The following CEP295 variants were observed in gnomAD, a reference collection of about 807,000 sequenced individuals.
The protein encoded by CEP295 is centrosomal protein of 295 kDa.
In CEP295, 190 loss-of-function variants were observed where a neutral mutation model predicts 291.6. The observed-to-expected ratio is 0.65, with a 90% CI of 0.58 to 0.73. CEP295 has a LOEUF of 0.73. Among genes scored for constraint, CEP295 ranks in the 30% least tolerant of loss-of-function variants. CEP295 has a pLI of 0.00. For synonymous variants in CEP295, 993 were observed against 1,038.8 expected (o/e 0.96, Z 0.85); for missense variants, 2,863 against 2,949.4 (o/e 0.97, Z 0.68).
At chr11:93,675,793 A>AC in intron 6 of CEP295, 127 bp downstream of exon 6, 1 of 395,510 alleles carries the variant, frequency 2.5e-6, no homozygotes, top group South Asian at 3.2e-5. Flanking sequence ...AATAATAATC[A>AC]AAACCTTTTA....
intron 18 of CEP295, among the ~76,000 whole-genome samples, chr11:93,718,021 C>A (rs2135280237): frequency 6.6e-6 from 1 of 152,290 alleles, no homozygotes; most frequent in East Asian, 1.9e-4. Context: ...AATTGATCCT[C>A]CCACCTCAGC....
At chr11:93,668,188 C>G (rs1950274011) in intron 3 of CEP295, among the ~76,000 whole-genome samples, 1 of 152,096 alleles carries the variant, frequency 6.6e-6, no homozygotes, top group Admixed American at 6.5e-5. Context: ...TTCAGAAAGT[C>G]ACAGTAAGTC....
In CEP295 at chr11:93,698,335, A is replaced by G. The variant is rs994142859; in HGVS notation, c.3423A>G (p.Ile1141Met). Residue 1141 changes from isoleucine (I) to methionine (M), a missense_variant, in exon 15 of 30, where the codon ATA becomes ATG. By Grantham distance (10) the Ile-to-Met change is conservative. Around this residue, in one of 3 missense-constraint regions of CEP295, gnomAD observed 2,295 missense variants for 2,335.7 expected, o/e 0.98. Coordinates refer to ENST00000325212, the MANE Select transcript of CEP295 (RefSeq NM_033395.2). ...ATGTAGGTCCCTCCTGTCATTTGAT[A>G]ATCCCAACATTTCAGGATAAGTCTC... ...KENVGPSCHL[I>M]IPTFQDKSLS... The G allele has an allele frequency of 1.1e-5, 17 of 1,552,008 alleles. No individual in the cohort carries two copies. Among genetic ancestry groups the G allele is most frequent in the African/African-American group, 2.7e-5 (2 of 73,058 alleles).
intron 18 of CEP295, among the ~76,000 whole-genome samples, chr11:93,712,780 TG>T (rs1952993952): frequency 6.6e-6 from 1 of 152,122 alleles, no homozygotes; most frequent in Non-Finnish European, 1.5e-5. Flanking sequence ...TGATAAGTAA[TG>T]ATTTACTCTT....
At position 93,722,054 on chromosome 11, in the gene CEP295, A is replaced by G; in HGVS notation, c.5947+4A>G. The G allele has an allele frequency of 6.6e-7, 1 of 1,510,638 alleles. No homozygotes were observed. Among genetic ancestry groups the G allele is most frequent in the Non-Finnish European group, 9.0e-7 (1 of 1,108,758 alleles). The allele number at this position is 1,510,638 out of a possible 1,614,324, so 93.6% of individuals were successfully genotyped here. On this transcript the variant is annotated splice_donor_region_variant and intron_variant, in intron 20 of 29. Transcript: ENST00000325212. The stretch of plus-strand genomic sequence containing the variant: ...GATTTGAGCCTTACAGATCCAGGTA[A>G]TAAGGTCAAAATGTTTATAAATAAG...
chr11:93,724,391 T>C lies in CEP295; in HGVS notation c.6318+16T>C, dbSNP rs1425996733. 1.9e-6 allele frequency: 3 copies of C among 1,545,264 alleles called. No individual in the cohort carries two copies. The stretch of plus-strand genomic sequence containing the variant: ...CTTTTACCAGGTATATTAAAGTAGA[T>C]GTCCCATTGCAGTGAATATCTAAAA... On this transcript the variant is annotated intron_variant, in intron 22 of 29. Transcript: ENST00000325212.
At position 93,699,176 on chromosome 11, in the gene CEP295, A is replaced by G. The variant is rs2135120124; in HGVS notation, c.4264A>G (p.Ile1422Val). ...TGAAAGAAACCAAGAACCATGTTCA[A>G]TTAACAGTGATAATATAGTATCCTC... Reference protein sequence around the residue: ...ESERNQEPCSINSDNIVSSGH... With the variant: ...ESERNQEPCSVNSDNIVSSGH... Residue 1422 changes from isoleucine to valine, a missense_variant, in exon 15 of 30, where the codon ATT (isoleucine) becomes GTT (valine). Transcript: ENST00000325212. The G allele has an allele frequency of 1.9e-6, 3 of 1,551,978 alleles. No individual in the cohort carries two copies. The highest frequency in any genetic ancestry group is 2.4e-5 in the South Asian group (2 of 84,060).
rs759748622 is a variant in CEP295, at chr11:93,729,477, A to G, written c.7346A>G (p.Asp2449Gly). 7.7e-6 allele frequency: 12 copies of G among 1,551,840 alleles called. No homozygotes were observed. Among genetic ancestry groups the G allele is most frequent in the Non-Finnish European group, 1.0e-5 (12 of 1,147,036 alleles). Residue 2449 changes from aspartate to glycine, a missense_variant, in exon 26 of 30, where the codon GAT becomes GGT. Asp to Gly is a moderately conservative substitution (Grantham distance 94, BLOSUM62 -1). Transcript: ENST00000325212. ...LPLVSATEAS[D>G]YPAVSELSIE... ...CTTGTATCAGCAACAGAAGCCTCAG[A>G]TTATCCAGCTGTATCAGAACTTTCC...
At chr11:93,694,656 G>A (rs1951759968) in intron 12 of CEP295, among the ~76,000 whole-genome samples, 1 of 152,130 alleles carries the variant, frequency 6.6e-6, no homozygotes, top group African/African-American at 2.4e-5. Flanking sequence ...CAAATGGCCT[G>A]GTCCAGTTTA....
chr11:93,669,901 G>A (rs1954994), intron 5 of CEP295, 131 bp downstream of exon 5: 558,758 of 585,232 alleles, frequency 0.95, 268,827 homozygotes, highest in Non-Finnish European at 0.99. Context: ...TTGTACAGGA[G>A]TATATCTGGA....
In CEP295 at chr11:93,727,873, C is replaced by T. The variant is rs918594930; in HGVS notation, c.7161+236C>T. Reference sequence around the variant, plus strand: ...ACTGCTTGTTAATATTGCTATCCAGCTTGTGATCACTAGAAATATCCAGCA... The same window carrying T: ...ACTGCTTGTTAATATTGCTATCCAGTTTGTGATCACTAGAAATATCCAGCA... On this transcript the variant is annotated intron_variant, in intron 24 of 29. Transcript: ENST00000325212. The T allele has an allele frequency of 2.0e-5, 8 of 397,672 alleles. No homozygotes were observed. The Admixed American group carries it at 2.1e-4, about 10-fold the overall frequency. The allele number at this position is 397,672 out of a possible 1,614,324, so 24.6% of individuals were successfully genotyped here.
intron 14 of CEP295, 93 bp from the exon 15 acceptor site, chr11:93,696,589 C>A: frequency 1.6e-6 from 2 of 1,217,772 alleles, no homozygotes; most frequent in Non-Finnish European, 2.2e-6. Flanking sequence ...GTATTGCCAA[C>A]CCTAGATTGC....
At position 93,706,736 on chromosome 11, in the gene CEP295, C is replaced by T. The variant is rs531913784; in HGVS notation, c.5597-9C>T. ...AGAAATTGAAGTGGAAATATTTTTTCCCCCCCAGGTAAACCAGGTATTTAT... is the reference window on the plus strand; with the variant it reads ...AGAAATTGAAGTGGAAATATTTTTTTCCCCCCAGGTAAACCAGGTATTTAT... On this transcript the variant is annotated splice_polypyrimidine_tract_variant and intron_variant, in intron 17 of 29. Coordinates refer to ENST00000325212, the MANE Select transcript of CEP295 (RefSeq NM_033395.2). 2.9e-5 allele frequency: 44 copies of T among 1,496,064 alleles called. No individual in the cohort carries two copies. The highest frequency in any genetic ancestry group is 3.8e-5 in the Non-Finnish European group (43 of 1,120,814). The allele number at this position is 1,496,064 out of a possible 1,614,324, so 92.7% of individuals were successfully genotyped here.
chr11:93,705,216 G>C (rs980870135), intron 17 of CEP295, among the ~76,000 whole-genome samples: 1 of 151,908 alleles, frequency 6.6e-6, no homozygotes, highest in African/African-American at 2.4e-5. Context: ...TCTTAACAAG[G>C]GTGTTTTTTC....
chr11:93,708,083 A>G (rs1201175621), intron 18 of CEP295, among the ~76,000 whole-genome samples: 1 of 152,178 alleles, frequency 6.6e-6, no homozygotes, highest in African/African-American at 2.4e-5. Flanking sequence ...TTTATGGGGT[A>G]TATGGGATAG....
intron 6 of CEP295, among the ~76,000 whole-genome samples, chr11:93,676,256 T>C (rs1033639085): frequency 2.0e-5 from 3 of 152,032 alleles, no homozygotes; most frequent in African/African-American, 4.8e-5. Flanking sequence ...TTGATACAGA[T>C]CATTAAATTG....
rs933177823 is a variant in CEP295 at position 93,691,746 on chromosome 11, C to T, written c.1400C>T (p.Ser467Leu). 15 of 1,545,808 alleles carry T rather than the reference C, an allele frequency of 9.7e-6. No individual in the cohort carries two copies. The highest frequency in any genetic ancestry group is 8.0e-5 in the Admixed American group (4 of 49,926). The change falls in exon 11 of 30, where the codon TCG becomes TTG. Residue 467 changes from serine (S) to leucine (L), a missense_variant. Physicochemically the swap from Ser to Leu is moderately radical, Grantham distance 145. Coordinates refer to ENST00000325212, the MANE Select transcript of CEP295 (RefSeq NM_033395.2). ...CTTGCTAGTGAAGATAAACCACTTT[C>T]GTGTGGTACAAACTCTGGAAAAGAA... ...GPLASEDKPL[S>L]CGTNSGKEQE... is the part of the protein sequence containing the mutation.
Position 93,679,485 on chromosome 11 carries a change from G to C in CEP295, c.698G>C (p.Arg233Thr). The change falls in exon 7 of 30, where the codon AGA (arginine) becomes ACA (threonine). Residue 233 changes from arginine to threonine, a missense_variant. By Grantham distance (71) the Arg-to-Thr change is moderately conservative. Transcript: ENST00000325212. Reference sequence around the variant, plus strand: ...CTACAAAAACAGGCAGCACAAGAGAGAATGGAACGGTTTGAAAAGGCACAT... The same window carrying C: ...CTACAAAAACAGGCAGCACAAGAGACAATGGAACGGTTTGAAAAGGCACAT... ...EELQKQAAQE[R>T]MERFEKAHVR... The C allele has an allele frequency of 6.4e-7, 1 of 1,551,572 alleles. No individual in the cohort carries two copies. The highest frequency in any genetic ancestry group is 2.4e-5 in the East Asian group (1 of 40,902).
At chr11:93,670,968 T>C (rs10765622) in intron 5 of CEP295, among the ~76,000 whole-genome samples, 139,779 of 152,138 alleles carry the variant, frequency 0.92, 65,027 homozygotes, top group East Asian at 0.99. Context: ...CTGCAGCCTC[T>C]ACCTCCTGGG....
Sources: gnomAD v4.1 joint callset for allele counts (sites outside exome capture counted in the v4.1 genomes callset) on GRCh38, gnomAD v4.1.1 for gene constraint, gnomAD v4.1.1 regional missense constraint, MANE v1.5 for transcripts, NCBI Gene and HGNC (gene_info 2026-07-23, HGNC 2026-07-21) for gene names.